Variants in CDKN2B-AS1 observed in about 807,000 individuals in gnomAD.
The protein encoded by CDKN2B-AS1 is CDKN2B antisense RNA 1 (non-protein coding).
At chr9:22,057,730 C>T (rs567717693) in intron 4 of CDKN2B-AS1, among the ~76,000 whole-genome samples, 1 of 149,086 alleles carries the variant, frequency 6.7e-6, no homozygotes, top group South Asian at 2.2e-4. Flanking sequence ...TTGCTTGAGC[C>T]TGCGAGGTGG....
intron 1 of CDKN2B-AS1, chr9:22,004,755 G>A (rs1587377903): frequency 4.3e-6 from 1 of 232,868 alleles, no homozygotes; most frequent in Non-Finnish European, 8.5e-6. Context: ...GCAATCTTTT[G>A]GGAACTATCC....
intron 4 of CDKN2B-AS1, chr9:22,112,152 G>T (rs1452101614): frequency 6.6e-6 from 1 of 152,164 alleles, no homozygotes; most frequent in African/African-American, 2.4e-5. Flanking sequence ...GAAACATACT[G>T]GTTAATGGAA....
Position 22,005,631 on chromosome 9 carries a change from C to G in CDKN2B-AS1, n.29+10470C>G. ...CCACTCAGCGCTGGAGTGGGAGATT[C>G]ATCCATCGGAAGATTCGTAGCCACC... is the stretch of plus-strand genomic sequence containing the variant. On this transcript the variant is annotated intron_variant and non_coding_transcript_variant, in intron 1 of 4. Coordinates refer to ENST00000650946, the Ensembl canonical transcript of CDKN2B-AS1. The surrounding 1 kb of genome is among the most constrained non-coding windows in gnomAD (Gnocchi z 4.9). 1 of 456,788 alleles carries G rather than the reference C, an allele frequency of 2.2e-6. No individual in the cohort carries two copies. The highest frequency in any genetic ancestry group is 4.1e-6 in the Non-Finnish European group (1 of 246,266). 28.3% of individuals were successfully genotyped at this position (456,788 alleles called of 1,614,324 possible).
At chr9:22,089,623 C>G (rs540474273) in intron 4 of CDKN2B-AS1, among the ~76,000 whole-genome samples, 2 of 151,472 alleles carry the variant, frequency 1.3e-5, no homozygotes, top group South Asian at 2.1e-4. Context: ...TTTTTTTCCC[C>G]TTATTTTGTA....
intron 4 of CDKN2B-AS1, among the ~76,000 whole-genome samples, chr9:22,107,348 G>A (rs1406577042): frequency 6.6e-6 from 1 of 152,162 alleles, no homozygotes; most frequent in Non-Finnish European, 1.5e-5. Context: ...GGCTCTAAGT[G>A]GAGAAAGAAA....
At chr9:22,114,866 A>G (rs1158417794) in intron 4 of CDKN2B-AS1, among the ~76,000 whole-genome samples, 1 of 152,196 alleles carries the variant, frequency 6.6e-6, no homozygotes, top group Non-Finnish European at 1.5e-5. Flanking sequence ...TGAAAGAGCT[A>G]ATCATTCAAA....
chr9:22,081,870 T>C (rs73650043), intron 4 of CDKN2B-AS1, among the ~76,000 whole-genome samples: 2,289 of 152,346 alleles, frequency 0.015, 58 homozygotes, highest in African/African-American at 0.052. Flanking sequence ...ATCATCATTT[T>C]TGGGGTTGTT....
chr9:22,071,107 T>G (rs1824268248), intron 4 of CDKN2B-AS1, among the ~76,000 whole-genome samples: 1 of 151,564 alleles, frequency 6.6e-6, no homozygotes, highest in Non-Finnish European at 1.5e-5. Flanking sequence ...AATTATTTGC[T>G]TAAGTCAGTT....
At chr9:22,013,162 T>C (rs924602679) in intron 1 of CDKN2B-AS1, among the ~76,000 whole-genome samples, 1 of 152,180 alleles carries the variant, frequency 6.6e-6, no homozygotes. Flanking sequence ...ACCAGTCAGA[T>C]TGGATTAGGG....
At chr9:22,054,713 T>G (rs1018434378) in intron 3 of CDKN2B-AS1, among the ~76,000 whole-genome samples, 1 of 150,342 alleles carries the variant, frequency 6.7e-6, no homozygotes, top group African/African-American at 2.4e-5. Flanking sequence ...TTTTTTAAAT[T>G]TTTATTTATT....
chr9:22,102,504 G>T (rs1220795031), intron 4 of CDKN2B-AS1, among the ~76,000 whole-genome samples: 1 of 152,146 alleles, frequency 6.6e-6, no homozygotes, highest in Non-Finnish European at 1.5e-5. Context: ...CATGCTCTCG[G>T]CAGAGGCTCT....
chr9:22,044,426 A>G (rs2131269645), intron 1 of CDKN2B-AS1, among the ~76,000 whole-genome samples: 1 of 152,150 alleles, frequency 6.6e-6, no homozygotes, highest in African/African-American at 2.4e-5. Flanking sequence ...GTTAGTATAC[A>G]TGAGTGTGAA....
At chr9:22,051,671 G>C (rs944801) in intron 3 of CDKN2B-AS1, among the ~76,000 whole-genome samples, 109,294 of 152,056 alleles carry the variant, frequency 0.72, 41,078 homozygotes, top group African/African-American at 0.93. Flanking sequence ...TATGAAAGCT[G>C]TATGTAGTAA....
chr9:22,034,297 G>A (rs1050742342), intron 1 of CDKN2B-AS1, among the ~76,000 whole-genome samples: 4 of 151,982 alleles, frequency 2.6e-5, no homozygotes, highest in Non-Finnish European at 5.9e-5. Flanking sequence ...CTTTTTTGGG[G>A]TGCCTCTATG....
intron 1 of CDKN2B-AS1, among the ~76,000 whole-genome samples, chr9:22,013,482 C>T (rs1242845222): frequency 6.6e-6 from 1 of 151,998 alleles, no homozygotes; most frequent in Admixed American, 6.6e-5. Context: ...AGGTTTCATT[C>T]ACCTTGTCGA....
intron 4 of CDKN2B-AS1, among the ~76,000 whole-genome samples, chr9:22,114,184 T>C (rs1338928349): frequency 6.6e-5 from 10 of 152,200 alleles, no homozygotes; most frequent in African/African-American, 2.2e-4. Flanking sequence ...TCACAGCCAC[T>C]TCTGTCATGA....
At chr9:22,012,198 T>C in intron 1 of CDKN2B-AS1, 2 of 1,400,002 alleles carry the variant, frequency 1.4e-6, no homozygotes, top group African/African-American at 1.4e-5. Context: ...ACCATCACCC[T>C]TGAGGTCGAG....
chr9:22,004,287 A>C (rs1821061909), intron 1 of CDKN2B-AS1: 1 of 232,356 alleles, frequency 4.3e-6, no homozygotes, highest in Non-Finnish European at 8.5e-6. Context: ...ACTCCTTCTT[A>C]TAAGTCTCCA....
At chr9:21,998,022 C>T (rs974124833) in intron 1 of CDKN2B-AS1, among the ~76,000 whole-genome samples, 1 of 152,098 alleles carries the variant, frequency 6.6e-6, no homozygotes, top group Non-Finnish European at 1.5e-5. Context: ...AGAGGAATGC[C>T]ATCTGAATAA....
Sources: allele counts gnomAD v4.1 joint callset (sites outside exome capture counted in the v4.1 genomes callset), GRCh38; gene constraint gnomAD v4.1.1; non-coding constraint Gnocchi (gnomAD v3.1); transcripts MANE v1.5; gene names NCBI Gene and HGNC (gene_info 2026-07-23, HGNC 2026-07-21).